The following NTM variants were observed in gnomAD, a reference collection of about 807,000 sequenced individuals.
NTM encodes the protein IgLON family member 2.
NTM carries 13 observed loss-of-function variants against 42.1 expected under a neutral mutation model. That is an observed-to-expected ratio of 0.31 (90% CI 0.20 to 0.49). The LOEUF (loss-of-function observed/expected upper bound fraction) is 0.49. Ranked by LOEUF, NTM falls within the 20% of genes least tolerant of loss-of-function variation. The pLI, the probability that NTM is intolerant of heterozygous loss-of-function variation, is 0.99. For missense variants in NTM, 373 were observed against 452.8 expected (o/e 0.82, Z 1.60); for synonymous variants, 187 against 179.2 (o/e 1.04, Z -0.35).
chr11:131,372,013 C>T lies in NTM; in HGVS notation c.82+1125C>T, dbSNP rs551686512. 8.9e-4 allele frequency among the ~76,000 whole-genome samples: 136 copies of T among 152,300 alleles called. 2 individuals carry two copies. In the Middle Eastern group the frequency reaches 0.01, roughly 11 times the overall value. ...GAGTCCCACCCCCTCGCCCTCTTCT[C>T]CCCCTGCAATATGGAGTTCTCCTGA... is the stretch of plus-strand genomic sequence containing the variant. On this transcript the variant is annotated intron_variant, in intron 1 of 8. Transcript: ENST00000683400.
At chr11:132,217,635 A>C (rs1479079940) in intron 4 of NTM, among the ~76,000 whole-genome samples, 1 of 151,978 alleles carries the variant, frequency 6.6e-6, no homozygotes, top group Non-Finnish European at 1.5e-5. Context: ...AAGTGGGTAC[A>C]TCTGCGTGGC....
intron 3 of NTM, among the ~76,000 whole-genome samples, chr11:132,189,221 C>A (rs1372646306): frequency 6.6e-6 from 1 of 151,996 alleles, no homozygotes; most frequent in African/African-American, 2.4e-5. Flanking sequence ...TCTTTTTAAG[C>A]CTCTAGATAG....
chr11:131,590,348 G>A (rs548304887), intron 1 of NTM, among the ~76,000 whole-genome samples: 1 of 152,304 alleles, frequency 6.6e-6, no homozygotes, highest in African/African-American at 2.4e-5. Context: ...AGAGCTGAGT[G>A]TTCATTAGAC....
chr11:131,836,021 A>G (rs2043445732), intron 1 of NTM, among the ~76,000 whole-genome samples: 1 of 152,212 alleles, frequency 6.6e-6, no homozygotes, highest in African/African-American at 2.4e-5. Context: ...TATAGTCATG[A>G]AAGTCAGGCC....
intron 2 of NTM, among the ~76,000 whole-genome samples, chr11:132,037,177 G>A (rs538896176): frequency 6.6e-6 from 1 of 151,894 alleles, no homozygotes; most frequent in East Asian, 1.9e-4. Context: ...CTTCCTCTTG[G>A]GGGGTGAGTG....
intron 1 of NTM, among the ~76,000 whole-genome samples, chr11:131,417,704 G>A (rs868162569): frequency 3.9e-5 from 6 of 152,132 alleles, no homozygotes; most frequent in East Asian, 1.9e-4. Flanking sequence ...CAAGAAATAA[G>A]GATCAAAGAA....
intron 1 of NTM, among the ~76,000 whole-genome samples, chr11:131,802,919 C>G (rs79605504): frequency 0.034 from 5,182 of 152,264 alleles, 132 homozygotes; most frequent in Non-Finnish European, 0.054. Flanking sequence ...GTCTGTTACT[C>G]AGGAGAGAGC....
At position 131,446,100 on chromosome 11, in the gene NTM, G is replaced by A. The variant is rs535012517; in HGVS notation, c.82+75212G>A. Among the ~76,000 whole-genome samples the A allele has an allele frequency of 2.0e-5, 3 of 152,210 alleles. No homozygotes were observed. The East Asian group carries it at 5.8e-4, about 29-fold the overall frequency. On this transcript the variant is annotated intron_variant, in intron 1 of 8. Coordinates refer to ENST00000683400, the MANE Select transcript of NTM (RefSeq NM_001352005.2). ...AAATATCCAACTTAAGACATCACACGTCTTAAGTCCAACCCAATTCCCCAA... is the reference window on the plus strand; with the variant it reads ...AAATATCCAACTTAAGACATCACACATCTTAAGTCCAACCCAATTCCCCAA...
intron 2 of NTM, among the ~76,000 whole-genome samples, chr11:131,938,358 TGA>T (rs1444072977): frequency 2.0e-5 from 3 of 152,042 alleles, no homozygotes; most frequent in African/African-American, 7.2e-5. Flanking sequence ...AGAATTCTAA[TGA>T]GAGGGAAAAC....
chr11:131,615,545 T>G (rs934460916), intron 1 of NTM, among the ~76,000 whole-genome samples: 56 of 152,066 alleles, frequency 3.7e-4, no homozygotes, highest in Admixed American at 5.2e-4. Flanking sequence ...TTTTTGTAAT[T>G]TTATTGGAGA....
chr11:132,266,951 G>A (rs2093219005), intron 4 of NTM, among the ~76,000 whole-genome samples: 7 of 152,206 alleles, frequency 4.6e-5, no homozygotes, highest in Admixed American at 4.6e-4. Context: ...ATTAGAGGTT[G>A]TTAGTCCTCA....
At chr11:131,782,685 G>A (rs2088390386) in intron 1 of NTM, among the ~76,000 whole-genome samples, 1 of 152,038 alleles carries the variant, frequency 6.6e-6, no homozygotes, top group Non-Finnish European at 1.5e-5. Context: ...TTCAAGGTTG[G>A]TTTAACATTT....
chr11:132,109,978 C>A (rs554575645), intron 2 of NTM, among the ~76,000 whole-genome samples: 2 of 152,220 alleles, frequency 1.3e-5, no homozygotes, highest in African/African-American at 2.4e-5. Context: ...CTCCTGCTTA[C>A]CATTTGGGTT....
intron 2 of NTM, among the ~76,000 whole-genome samples, chr11:132,021,805 A>G (rs1282843205): frequency 1.3e-5 from 2 of 152,196 alleles, no homozygotes; most frequent in Admixed American, 6.5e-5. Flanking sequence ...TGGGTAGTGA[A>G]GCACCTTCAA....
chr11:132,233,686 T>C (rs2088130003), intron 4 of NTM, among the ~76,000 whole-genome samples: 2 of 152,178 alleles, frequency 1.3e-5, no homozygotes, highest in South Asian at 2.1e-4. Flanking sequence ...TGCAACTAGA[T>C]TGTAGGTATA....
intron 2 of NTM, among the ~76,000 whole-genome samples, chr11:131,987,376 C>CT (rs1317345767): frequency 2.3e-5 from 3 of 129,982 alleles, no homozygotes; most frequent in South Asian, 2.9e-4. Context: ...TGTCCTATTC[C>CT]TCCTATTCTA....
chr11:131,449,006 C>T (rs974535261), intron 1 of NTM, among the ~76,000 whole-genome samples: 2 of 152,240 alleles, frequency 1.3e-5, no homozygotes, highest in African/African-American at 2.4e-5. Flanking sequence ...ACAATAGGCA[C>T]ATTCAAAGAG....
intron 2 of NTM, among the ~76,000 whole-genome samples, chr11:131,941,134 A>G (rs1286467220): frequency 6.6e-6 from 1 of 152,262 alleles, no homozygotes; most frequent in Non-Finnish European, 1.5e-5. Flanking sequence ...TTATATCTAC[A>G]TAATTTTAAA....
At chr11:131,743,607 AG>A (rs1410827182) in intron 1 of NTM, among the ~76,000 whole-genome samples, 4 of 152,216 alleles carry the variant, frequency 2.6e-5, no homozygotes, top group Non-Finnish European at 5.9e-5. Flanking sequence ...GCCAGAATGA[AG>A]GCATATCAGG....
Sources: gnomAD v4.1 joint callset for allele counts (sites outside exome capture counted in the v4.1 genomes callset) on GRCh38, gnomAD v4.1.1 for gene constraint, MANE v1.5 for transcripts, NCBI Gene and HGNC (gene_info 2026-07-23, HGNC 2026-07-21) for gene names.